LRP1B: variants seen among roughly 807,000 people sequenced by gnomAD.
LRP1B encodes LDL receptor related protein 1B.
A neutral mutation model predicts 556.6 loss-of-function variants in LRP1B; 217 were observed. The observed-to-expected ratio is 0.39, with a 90% CI of 0.35 to 0.44. The LOEUF is 0.44. Ranked by LOEUF, LRP1B falls within the 20% of genes least tolerant of loss-of-function variation. The pLI, the probability that LRP1B is intolerant of heterozygous loss-of-function variation, is 1.00. For synonymous variants in LRP1B, 2,047 were observed against 1,865.8 expected (o/e 1.10, Z -2.50); for missense variants, 5,053 against 5,620.8 (o/e 0.90, Z 3.23).
At chr2:141,602,463 C>A (rs540998681) in intron 2 of LRP1B, among the ~76,000 whole-genome samples, 1 of 152,226 alleles carries the variant, frequency 6.6e-6, no homozygotes, top group South Asian at 2.1e-4. Context: ...GTAATTTAAA[C>A]AATATTTAGA....
At chr2:142,124,882 C>T (rs555197522) in intron 1 of LRP1B, among the ~76,000 whole-genome samples, 1 of 146,112 alleles carries the variant, frequency 6.8e-6, no homozygotes, top group South Asian at 2.1e-4. Context: ...CCTGCAAGAC[C>T]AGTCTTACTT....
intron 7 of LRP1B, among the ~76,000 whole-genome samples, chr2:141,135,199 T>C (rs1443345591): frequency 6.6e-6 from 1 of 151,936 alleles, no homozygotes; most frequent in Non-Finnish European, 1.5e-5. Context: ...TTAATATTCA[T>C]TCGTATGATC....
At chr2:140,267,643 A>G (rs1011406866) in intron 86 of LRP1B, among the ~76,000 whole-genome samples, 3 of 151,888 alleles carry the variant, frequency 2.0e-5, no homozygotes, top group Admixed American at 6.6e-5. Context: ...TTTTATTTCC[A>G]AATACTTCTG....
At chr2:140,284,946 CTG>C (rs1683075192) in intron 84 of LRP1B, among the ~76,000 whole-genome samples, 1 of 146,750 alleles carries the variant, frequency 6.8e-6, no homozygotes, top group South Asian at 2.2e-4. Context: ...ATATATAACT[CTG>C]TATAACTAGA....
At chr2:140,326,871 T>C (rs1680515178) in intron 79 of LRP1B, among the ~76,000 whole-genome samples, 1 of 152,150 alleles carries the variant, frequency 6.6e-6, no homozygotes, top group African/African-American at 2.4e-5. Context: ...TTTTTCTACT[T>C]TTTTAGTTTC....
intron 18 of LRP1B, among the ~76,000 whole-genome samples, chr2:140,970,607 C>G (rs1455444824): frequency 1.3e-5 from 2 of 151,812 alleles, no homozygotes; most frequent in Non-Finnish European, 2.9e-5. Flanking sequence ...CACCTGTTTT[C>G]TGCATCACTC....
At chr2:141,753,430 C>G (rs1468356039) in intron 2 of LRP1B, among the ~76,000 whole-genome samples, 1 of 151,374 alleles carries the variant, frequency 6.6e-6, no homozygotes, top group Non-Finnish European at 1.5e-5. Flanking sequence ...ACAATGGGCC[C>G]ACCAGTTTGT....
intron 2 of LRP1B, among the ~76,000 whole-genome samples, chr2:141,604,224 A>T (rs1687841941): frequency 6.6e-6 from 1 of 152,208 alleles, no homozygotes; most frequent in African/African-American, 2.4e-5. Context: ...TAAATTTTAT[A>T]TAAATTATAC....
intron 82 of LRP1B, among the ~76,000 whole-genome samples, chr2:140,316,816 T>A (rs1176775916): frequency 6.6e-6 from 1 of 152,156 alleles, no homozygotes; most frequent in African/African-American, 2.4e-5. Flanking sequence ...TACACACATA[T>A]ACACAAATGA....
At chr2:141,266,374 C>G (rs1426927543) in intron 3 of LRP1B, among the ~76,000 whole-genome samples, 1 of 149,184 alleles carries the variant, frequency 6.7e-6, no homozygotes, top group Non-Finnish European at 1.5e-5. Flanking sequence ...TTTCTCCATG[C>G]TCATGTTCCC....
chr2:141,450,567 C>T (rs922174774), intron 3 of LRP1B, among the ~76,000 whole-genome samples: 8 of 150,530 alleles, frequency 5.3e-5, no homozygotes, highest in African/African-American at 1.2e-4. Flanking sequence ...AATAAAGATG[C>T]CATATTTTAA....
chr2:142,094,074 G>T (rs975604978), intron 1 of LRP1B, among the ~76,000 whole-genome samples: 1 of 151,962 alleles, frequency 6.6e-6, no homozygotes, highest in Non-Finnish European at 1.5e-5. Context: ...CTCACATGTT[G>T]GAAAGGGTCA....
intron 72 of LRP1B, among the ~76,000 whole-genome samples, chr2:140,361,210 A>C (rs1276186816): frequency 6.7e-6 from 1 of 149,746 alleles, no homozygotes; most frequent in African/African-American, 2.4e-5. Context: ...AAATAACCCT[A>C]AATTTAGGTG....
At chr2:141,092,933 T>G (rs1156949180) in intron 7 of LRP1B, among the ~76,000 whole-genome samples, 1 of 152,086 alleles carries the variant, frequency 6.6e-6, no homozygotes, top group Non-Finnish European at 1.5e-5. Context: ...GAGAACTGGA[T>G]AGGAGAAATT....
intron 1 of LRP1B, among the ~76,000 whole-genome samples, chr2:141,896,574 A>G (rs1467483390): frequency 6.6e-6 from 1 of 152,172 alleles, no homozygotes; most frequent in Admixed American, 6.6e-5. Context: ...TTCATTTGAT[A>G]TGGATGGAAC....
intron 74 of LRP1B, 124 bp downstream of exon 74, chr2:140,357,855 G>A (rs1682303384): frequency 9.0e-7 from 1 of 1,116,690 alleles, no homozygotes; most frequent in African/African-American, 1.5e-5. Context: ...AAAGGTTTTT[G>A]AAAAAGGGCA....
chr2:142,028,993 G>GT (rs1703599907), intron 1 of LRP1B, among the ~76,000 whole-genome samples: 1 of 151,894 alleles, frequency 6.6e-6, no homozygotes, highest in East Asian at 1.9e-4. Flanking sequence ...ATCTTTGCCT[G>GT]TTTTTTACTG....
At chr2:141,734,520 A>C (rs1693393881) in intron 2 of LRP1B, among the ~76,000 whole-genome samples, 1 of 152,084 alleles carries the variant, frequency 6.6e-6, no homozygotes, top group Non-Finnish European at 1.5e-5. Context: ...TTTAAGAAAA[A>C]CCATTAAAAG....
rs745505614 is a variant in LRP1B, at chr2:141,229,259, T to A, written c.774A>T (p.Gln258His). The stretch of plus-strand genomic sequence containing the variant: ...CTTTTGTTATCTGGATACATTTGAG[T>A]TGATTTGAAGATTCTCTTGATTCAA... ...CWIESRESSN[Q>H]LKCIQITKAG... Residue 258 changes from glutamine to histidine, a missense_variant, in exon 6 of 91, where the codon CAA becomes CAT. Gln to His is a conservative substitution (Grantham distance 24, BLOSUM62 0). Coordinates refer to ENST00000389484, the MANE Select transcript of LRP1B (RefSeq NM_018557.3). 2 of 1,611,786 alleles carry A rather than the reference T, an allele frequency of 1.2e-6. No homozygotes were observed. Among genetic ancestry groups the A allele is most frequent in the Non-Finnish European group, 1.7e-6 (2 of 1,178,080 alleles).
Sources: gnomAD v4.1 joint callset for allele counts (sites outside exome capture counted in the v4.1 genomes callset) on GRCh38, gnomAD v4.1.1 for gene constraint, MANE v1.5 for transcripts, NCBI Gene and HGNC (gene_info 2026-07-23, HGNC 2026-07-21) for gene names.